GNAI1: variants seen among roughly 807,000 people sequenced by gnomAD.
The protein encoded by GNAI1 is G protein subunit alpha i1.
Under a neutral mutation model 38.9 loss-of-function variants are expected in GNAI1, and 11 were observed. The observed-to-expected ratio is 0.28, with a 90% CI of 0.18 to 0.47. The LOEUF (loss-of-function observed/expected upper bound fraction) is 0.47. Ranked by LOEUF, GNAI1 falls within the 20% of genes least tolerant of loss-of-function variation. The pLI, the probability that GNAI1 is intolerant of heterozygous loss-of-function variation, is 0.99. For missense variants in GNAI1, 317 were observed against 436.9 expected, an observed-to-expected ratio of 0.73 and a Z score of 2.45; for synonymous variants, 166 against 145.1, an observed-to-expected ratio of 1.14 and a Z score of -1.04.
chr7:80,209,033 T>C (rs1228642997), intron 5 of GNAI1, among the ~76,000 whole-genome samples: 1 of 152,190 alleles, frequency 6.6e-6, no homozygotes, highest in East Asian at 1.9e-4. Flanking sequence ...CTTTCCAGCT[T>C]TATTTCCATC....
At chr7:80,151,831 C>T (rs1357128566) in intron 1 of GNAI1, among the ~76,000 whole-genome samples, 1 of 152,048 alleles carries the variant, frequency 6.6e-6, no homozygotes, top group Admixed American at 6.6e-5. Flanking sequence ...TGAGGAGTTT[C>T]GTGGCAAAAG....
Position 80,135,153 on chromosome 7 carries a change from T to G in GNAI1, c.-8T>G, listed in dbSNP as rs747874036. 9.4e-6 allele frequency: 14 copies of G among 1,495,068 alleles called. No individual in the cohort carries two copies. The African/African-American group carries it at 1.7e-4, about 19-fold the overall frequency. 92.6% of individuals were successfully genotyped at this position (1,495,068 alleles called of 1,614,324 possible). A position where few individuals can be genotyped will look rare whatever the true frequency, so the allele number is the denominator to read the frequency against. The stretch of plus-strand genomic sequence containing the variant: ...AGGGAGCGGCGGCAGGCTCTCGCTT[T>G]CGGCACCATGGGCTGCACGCTGAGC... On this transcript the variant is annotated 5_prime_UTR_variant, in exon 1 of 8. Coordinates refer to ENST00000649796, the MANE Select transcript of GNAI1 (RefSeq NM_002069.6).
At chr7:80,200,820 T>C (rs1788673999) in intron 4 of GNAI1, among the ~76,000 whole-genome samples, 1 of 152,192 alleles carries the variant, frequency 6.6e-6, no homozygotes, top group Non-Finnish European at 1.5e-5. Context: ...ATATATAACA[T>C]AAACATATTG....
chr7:80,135,762 G>T (rs1787402915), intron 1 of GNAI1: 3 of 981,054 alleles, frequency 3.1e-6, no homozygotes, highest in Non-Finnish European at 3.6e-6. Flanking sequence ...GGTGAAATCA[G>T]TGCACCTTTT....
intron 7 of GNAI1, 76 bp from the exon 8 acceptor site, chr7:80,217,227 T>TATGAAACTGACTTCAGTTTCATATGG: frequency 1.0e-5 from 10 of 966,650 alleles, no homozygotes; most frequent in East Asian, 2.5e-5. Flanking sequence ...GTTTCATATG[T>TATGAAACTGACTTCAGTTTCATATGG]ATGAAACTGA....
chr7:80,197,925 A>G (rs1406851883), intron 3 of GNAI1, among the ~76,000 whole-genome samples: 1 of 152,106 alleles, frequency 6.6e-6, no homozygotes, highest in Non-Finnish European at 1.5e-5. Flanking sequence ...GTGTGCCATC[A>G]CTTTATAAGC....
In GNAI1 at chr7:80,135,079, A is replaced by G. The variant is rs1481587764; in HGVS notation, c.-82A>G. On this transcript the variant is annotated 5_prime_UTR_variant, in exon 1 of 8. Transcript: ENST00000649796. Reference sequence around the variant, plus strand: ...GTCGGGAGGCGTTCGAACGCCCGCTAGGAGAGAGAAAGGATTCCCCTGTGC... The same window carrying G: ...GTCGGGAGGCGTTCGAACGCCCGCTGGGAGAGAGAAAGGATTCCCCTGTGC... The G allele has an allele frequency of 3.2e-6, 3 of 929,424 alleles. No homozygotes were observed. Among genetic ancestry groups the G allele is most frequent in the African/African-American group, 1.7e-5 (1 of 58,286 alleles). The allele number at this position is 929,424 out of a possible 1,614,324, so 57.6% of individuals were successfully genotyped here. A position where few individuals can be genotyped will look rare whatever the true frequency, so the allele number is the denominator to read the frequency against.
chr7:80,161,248 C>A (rs754850012), intron 1 of GNAI1, among the ~76,000 whole-genome samples: 1 of 152,102 alleles, frequency 6.6e-6, no homozygotes, highest in African/African-American at 2.4e-5. Flanking sequence ...TTTCTCACAA[C>A]CCTTTTACGT....
chr7:80,185,870 G>A (rs570536883), intron 1 of GNAI1, among the ~76,000 whole-genome samples: 4 of 152,208 alleles, frequency 2.6e-5, no homozygotes, highest in Non-Finnish European at 5.9e-5. Context: ...AGGAGACTCT[G>A]TATGGAATTG....
intron 1 of GNAI1, among the ~76,000 whole-genome samples, chr7:80,166,791 C>T (rs1228508658): frequency 6.6e-6 from 1 of 152,216 alleles, no homozygotes; most frequent in African/African-American, 2.4e-5. Context: ...AATGAATCTT[C>T]TACATGTAAT....
rs1789020989 is a variant in GNAI1, at chr7:80,218,822, T to C, written c.*1329T>C. 2 of 152,292 alleles carry C rather than the reference T, an allele frequency of 1.3e-5. No individual in the cohort carries two copies. Among genetic ancestry groups the C allele is most frequent in the East Asian group, 1.9e-4 (1 of 5,176 alleles). The allele number at this position is 152,292 out of a possible 1,614,324, so 9.4% of individuals were successfully genotyped here. The stretch of plus-strand genomic sequence containing the variant: ...TATATGTGTGCTCAAATAAGTGTTA[T>C]GTATCAGCTAGATACTGAGCTTTGA... On this transcript the variant is annotated 3_prime_UTR_variant, in exon 8 of 8. Transcript: ENST00000649796.
intron 1 of GNAI1, among the ~76,000 whole-genome samples, chr7:80,154,648 A>T (rs942294847): frequency 6.6e-6 from 1 of 152,208 alleles, no homozygotes; most frequent in Admixed American, 6.5e-5. Flanking sequence ...GACAAATAAC[A>T]TGTTAAACTT....
intron 1 of GNAI1, among the ~76,000 whole-genome samples, chr7:80,152,034 C>G (rs1787735788): frequency 6.6e-6 from 1 of 152,170 alleles, no homozygotes; most frequent in Non-Finnish European, 1.5e-5. Context: ...TTCACGGCCT[C>G]TTTTCAGTTT....
At chr7:80,192,307 C>T (rs1280570085) in intron 3 of GNAI1, among the ~76,000 whole-genome samples, 1 of 152,118 alleles carries the variant, frequency 6.6e-6, no homozygotes, top group East Asian at 1.9e-4. Flanking sequence ...TCTCTTCACA[C>T]ACCTTTAAAT....
At chr7:80,203,663 A>G (rs541002304) in intron 4 of GNAI1, 41 bp from the exon 5 acceptor site, 9 of 1,320,990 alleles carry the variant, frequency 6.8e-6, no homozygotes, top group South Asian at 2.6e-5. Flanking sequence ...TTTATTGGCT[A>G]TATTTACCAT....
At chr7:80,179,535 G>A (rs925888676) in intron 1 of GNAI1, among the ~76,000 whole-genome samples, 1 of 152,158 alleles carries the variant, frequency 6.6e-6, no homozygotes, top group Non-Finnish European at 1.5e-5. Context: ...TAAAGATGCT[G>A]GAAGTGTAGT....
intron 1 of GNAI1, among the ~76,000 whole-genome samples, chr7:80,146,319 G>C (rs1203213619): frequency 6.6e-6 from 1 of 152,078 alleles, no homozygotes; most frequent in African/African-American, 2.4e-5. Context: ...TAAGGCACTT[G>C]TACTCTTCCA....
intron 1 of GNAI1, among the ~76,000 whole-genome samples, chr7:80,161,130 A>G (rs1447299094): frequency 6.6e-6 from 1 of 152,198 alleles, no homozygotes; most frequent in Non-Finnish European, 1.5e-5. Context: ...CAAAGAACAG[A>G]TGTTGAGATT....
chr7:80,224,310 C>A lies in GNAI1; in HGVS notation c.*6817C>A, dbSNP rs1264638295. ...TTTCCATTTTCTATATAAGGAAACA[C>A]ATTTAAGAGAGGTTAGTATTTTGTG... On this transcript the variant is annotated 3_prime_UTR_variant, in exon 8 of 8. Coordinates refer to ENST00000649796, the MANE Select transcript of GNAI1 (RefSeq NM_002069.6). Among the ~76,000 whole-genome samples the A allele has an allele frequency of 1.3e-5, 2 of 152,096 alleles. No homozygotes were observed. The highest frequency in any genetic ancestry group is 4.8e-5 in the African/African-American group (2 of 41,408).
Sources: gnomAD v4.1 joint callset for allele counts (sites outside exome capture counted in the v4.1 genomes callset) on GRCh38, gnomAD v4.1.1 for gene constraint, MANE v1.5 for transcripts, NCBI Gene and HGNC (gene_info 2026-07-23, HGNC 2026-07-21) for gene names.